Variants in PANK1 observed in about 807,000 individuals in gnomAD.
The protein encoded by PANK1 is pantothenate kinase 1, also known as pantothenic acid kinase 1.
PANK1 carries 18 observed loss-of-function variants against 40.1 expected under a neutral mutation model. That is an observed-to-expected ratio of 0.45 (90% confidence interval 0.31 to 0.67). The LOEUF is 0.67. Ranked by LOEUF, PANK1 falls within the 30% of genes least tolerant of loss-of-function variation. The probability of loss-of-function intolerance (pLI) is 0.06; values close to 1 mark genes in which losing one functional copy is unlikely to be tolerated. For missense variants in PANK1, 457 were observed against 599.6 expected, an observed-to-expected ratio of 0.76 and a Z score of 2.48; for synonymous variants, 242 against 237.7, an observed-to-expected ratio of 1.02 and a Z score of -0.17.
chr10:89,587,993 C>A (rs1844255742), intron 6 of PANK1, among the ~76,000 whole-genome samples: 1 of 151,814 alleles, frequency 6.6e-6, no homozygotes, highest in African/African-American at 2.4e-5. Context: ...CTCTACCCGC[C>A]AGCCTCTGTA....
rs781519879 is a variant in PANK1 at position 89,645,231 on chromosome 10, G to T, written c.-340C>A. ...GCGCGACTTCAAACGCGGCTTCCTC[G>T]CCTCCCAGACTGGTCCCCGCCACTG... is the stretch of plus-strand genomic sequence containing the variant. On this transcript the variant is annotated 5_prime_UTR_variant, in exon 1 of 7. Coordinates refer to ENST00000307534, the MANE Select transcript of PANK1 (RefSeq NM_148977.3). 35 of 1,599,152 alleles carry T rather than the reference G, an allele frequency of 2.2e-5. No individual in the cohort carries two copies. The highest frequency in any genetic ancestry group is 2.7e-5 in the Non-Finnish European group (32 of 1,173,682).
At chr10:89,595,679 C>A (rs1258183154) in intron 3 of PANK1, among the ~76,000 whole-genome samples, 3 of 149,260 alleles carry the variant, frequency 2.0e-5, no homozygotes, top group East Asian at 2.0e-4. Context: ...AATTAGCCAG[C>A]CTTGGTGGCA....
chr10:89,588,051 C>T (rs1844257835), intron 6 of PANK1, among the ~76,000 whole-genome samples: 1 of 152,078 alleles, frequency 6.6e-6, no homozygotes, highest in African/African-American at 2.4e-5. Flanking sequence ...TTTTAGATTC[C>T]ACAAATAAGT....
intron 3 of PANK1, among the ~76,000 whole-genome samples, chr10:89,598,904 C>T (rs1029097284): frequency 6.6e-6 from 1 of 152,220 alleles, no homozygotes; most frequent in Non-Finnish European, 1.5e-5. Context: ...AAGAAGGTTC[C>T]TTCTGAAGTC....
chr10:89,643,539 T>C (rs1306546164), intron 1 of PANK1, among the ~76,000 whole-genome samples: 5 of 152,184 alleles, frequency 3.3e-5, no homozygotes, highest in African/African-American at 1.2e-4. Context: ...ACAGAAAAGC[T>C]AAGAGTCAAA....
At chr10:89,580,867 CCATT>C (rs1272348219), downstream of PANK1, 2 of 152,182 alleles carry the variant, frequency 1.3e-5, no homozygotes, top group Admixed American at 1.3e-4. Flanking sequence ...GTTCTCACCT[CCATT>C]CAACTCTCTG....
intron 5 of PANK1, among the ~76,000 whole-genome samples, chr10:89,591,660 G>A (rs1247316864): frequency 6.6e-6 from 1 of 152,170 alleles, no homozygotes; most frequent in African/African-American, 2.4e-5. Context: ...AAGGCGACTG[G>A]TGATTCCCTT....
chr10:89,587,985 C>T (rs937235080), intron 6 of PANK1, among the ~76,000 whole-genome samples: 7 of 152,126 alleles, frequency 4.6e-5, no homozygotes, highest in Non-Finnish European at 1.0e-4. Context: ...CCCATTTCCT[C>T]TACCCGCCAG....
chr10:89,587,507 A>G (rs1474864095), intron 6 of PANK1, among the ~76,000 whole-genome samples: 1 of 152,224 alleles, frequency 6.6e-6, no homozygotes, highest in Admixed American at 6.5e-5. Flanking sequence ...GAGAGAGAGA[A>G]AAACCTGTAA....
At chr10:89,626,020 G>T (rs1364218221) in intron 1 of PANK1, among the ~76,000 whole-genome samples, 5 of 152,182 alleles carry the variant, frequency 3.3e-5, no homozygotes, top group African/African-American at 1.2e-4. Context: ...AGAAAGATGA[G>T]CGTCACTCTA....
rs377494950 is a variant in PANK1, at chr10:89,592,823, G to A, written c.1200+374C>T. The A allele has an allele frequency of 1.1e-5, 6 of 538,042 alleles. No homozygotes were observed. The East Asian group carries it at 2.7e-4, about 24-fold the overall frequency. The allele number at this position is 538,042 out of a possible 1,614,324, so 33.3% of individuals were successfully genotyped here. On this transcript the variant is annotated intron_variant, in intron 5 of 6. Transcript: ENST00000307534. Reference sequence around the variant, plus strand: ...CAACACTGTAAAGAAGCTGAAAGCAGAGAGAATATCGAATATTGCAAGTCG... The same window carrying A: ...CAACACTGTAAAGAAGCTGAAAGCAAAGAGAATATCGAATATTGCAAGTCG...
intron 1 of PANK1, among the ~76,000 whole-genome samples, chr10:89,641,772 T>TAAATAAAA (rs1364910089): frequency 5.3e-5 from 7 of 132,280 alleles, no homozygotes; most frequent in African/African-American, 1.9e-4. Context: ...AATAAATAAA[T>TAAATAAAA]AAAATAAAAA....
At chr10:89,643,877 A>T in intron 1 of PANK1, 1 of 1,447,748 alleles carries the variant, frequency 6.9e-7, no homozygotes, top group Non-Finnish European at 9.1e-7. Flanking sequence ...AGATTGTGAA[A>T]TAATGCACTT....
At chr10:89,607,738 A>T (rs1201591835) in intron 2 of PANK1, among the ~76,000 whole-genome samples, 2 of 152,204 alleles carry the variant, frequency 1.3e-5, no homozygotes, top group Non-Finnish European at 2.9e-5. Context: ...AAATACTAGA[A>T]TCTGTACATA....
Position 89,593,827 on chromosome 10 carries a change from A to G in PANK1, c.1062T>C (p.Ser354=). ...TTAATCTCTACCTTGATGCTACAGC[A>G]GATCCTTGAAGGCCAAATCGTTCAT... The part of the protein sequence containing the change: ...GDYERFGLQG[S]AVASSFGNMM... Residue 354 remains serine, a synonymous_variant, in exon 4 of 7, where the codon TCT becomes TCC. Coordinates refer to ENST00000307534, the MANE Select transcript of PANK1 (RefSeq NM_148977.3). 6.2e-7 allele frequency: 1 copy of G among 1,613,278 alleles called. No individual in the cohort carries two copies. Among genetic ancestry groups the G allele is most frequent in the South Asian group, 1.1e-5 (1 of 91,064 alleles).
chr10:89,621,562 T>C (rs1845486786), intron 1 of PANK1, among the ~76,000 whole-genome samples: 1 of 152,182 alleles, frequency 6.6e-6, no homozygotes, highest in Admixed American at 6.5e-5. Flanking sequence ...TTAGTCACAA[T>C]AGGTATCTGA....
chr10:89,644,162 G>A (rs1273837011), intron 1 of PANK1, among the ~76,000 whole-genome samples: 1 of 152,168 alleles, frequency 6.6e-6, no homozygotes, highest in Non-Finnish European at 1.5e-5. Context: ...TCAAAGGGCA[G>A]GCAACCCCAG....
chr10:89,585,700 TC>T, intron 6 of PANK1, among the ~76,000 whole-genome samples: 1 of 152,224 alleles, frequency 6.6e-6, no homozygotes, highest in Non-Finnish European at 1.5e-5. Flanking sequence ...AACGCAGTGT[TC>T]TTAACTACCT....
intron 2 of PANK1, among the ~76,000 whole-genome samples, chr10:89,600,150 C>T (rs1041171464): frequency 1.4e-4 from 22 of 152,220 alleles, no homozygotes; most frequent in Admixed American, 1.3e-3. Flanking sequence ...GAATAAATTT[C>T]TGTTGTTTGA....
Sources: gnomAD v4.1 joint callset for allele counts (sites outside exome capture counted in the v4.1 genomes callset) on GRCh38, gnomAD v4.1.1 for gene constraint, MANE v1.5 for transcripts, NCBI Gene and HGNC (gene_info 2026-07-23, HGNC 2026-07-21) for gene names.